The following PODXL variants were observed in gnomAD, a reference collection of about 807,000 sequenced individuals.
The protein encoded by PODXL is podocalyxin like.
PODXL carries 20 observed loss-of-function variants against 48.9 expected under a neutral mutation model. The ratio of observed to expected loss-of-function variants is 0.41; its 90% CI spans 0.29 to 0.59. PODXL has a LOEUF of 0.59. Ranked by LOEUF, PODXL falls within the 20% of genes least tolerant of loss-of-function variation. The pLI is 0.31. For missense variants in PODXL, 606 were observed against 675.1 expected (o/e 0.90, Z 1.13); for synonymous variants, 295 against 287.4 (o/e 1.03, Z -0.27).
intron 3 of PODXL, 63 bp from the exon 4 acceptor site, chr7:131,509,648 T>C: frequency 8.8e-7 from 1 of 1,131,222 alleles, no homozygotes; most frequent in Non-Finnish European, 1.3e-6. Context: ...AAGAGGACAA[T>C]CTTTTCTTGC....
At chr7:131,552,799 TTC>T (rs1460649455) in intron 1 of PODXL, among the ~76,000 whole-genome samples, 2 of 152,146 alleles carry the variant, frequency 1.3e-5, no homozygotes, top group African/African-American at 2.4e-5. Context: ...CCTTGTTTTT[TTC>T]CTTGAGTCAG....
Position 131,556,270 on chromosome 7 carries a change from G to GGCGAC in PODXL, c.89_90insGTCGC (p.Gln32ProfsTer137). The GGCGAC allele has an allele frequency of 2.7e-6, 4 of 1,462,602 alleles. No homozygotes were observed. In the South Asian group the frequency reaches 4.0e-5, roughly 15 times the overall value. 90.6% of individuals were successfully genotyped at this position (1,462,602 alleles called of 1,614,324 possible). ...AGGCCGGCCACTCACCATTCTGGGA[G>GGCGAC]GGCGACGGCGACGGCGACGGCGACG... On this transcript the variant is annotated frameshift_variant, in exon 1 of 9. Coordinates refer to ENST00000378555, the MANE Select transcript of PODXL (RefSeq NM_001018111.3). LOFTEE classifies it high-confidence loss of function.
At chr7:131,541,316 G>A (rs1228468062) in intron 1 of PODXL, among the ~76,000 whole-genome samples, 1 of 151,906 alleles carries the variant, frequency 6.6e-6, no homozygotes, top group African/African-American at 2.4e-5. Flanking sequence ...TGACAGTGGA[G>A]CCTGTATCTT....
At chr7:131,508,192 C>T (rs891771160) in intron 5 of PODXL, among the ~76,000 whole-genome samples, 3 of 152,210 alleles carry the variant, frequency 2.0e-5, no homozygotes, top group African/African-American at 7.2e-5. Flanking sequence ...CTACCTCCCT[C>T]ACACAGGTGT....
intron 1 of PODXL, among the ~76,000 whole-genome samples, 166 bp downstream of exon 1, chr7:131,556,094 G>T (rs1029502911): frequency 6.6e-6 from 1 of 152,232 alleles, no homozygotes; most frequent in Non-Finnish European, 1.5e-5. Flanking sequence ...GCGGAGTTTG[G>T]AGGGGGCGTG....
chr7:131,534,335 C>A (rs1371961263), intron 1 of PODXL, among the ~76,000 whole-genome samples: 1 of 152,240 alleles, frequency 6.6e-6, no homozygotes, highest in Admixed American at 6.5e-5. Flanking sequence ...GGGACCCCAA[C>A]TCCAGGAAGT....
chr7:131,507,890 T>A (rs1319668750), intron 5 of PODXL, among the ~76,000 whole-genome samples: 2 of 152,210 alleles, frequency 1.3e-5, no homozygotes, highest in African/African-American at 4.8e-5. Flanking sequence ...AATGCCGGCA[T>A]AATGGACACC....
intron 1 of PODXL, among the ~76,000 whole-genome samples, chr7:131,518,412 C>T (rs200789461): frequency 2.0e-5 from 3 of 152,220 alleles, no homozygotes; most frequent in Non-Finnish European, 2.9e-5. Flanking sequence ...TTCTCCTGAA[C>T]GGGTCTGGTG....
At chr7:131,550,738 G>A (rs1397397811) in intron 1 of PODXL, among the ~76,000 whole-genome samples, 1 of 152,138 alleles carries the variant, frequency 6.6e-6, no homozygotes, top group Non-Finnish European at 1.5e-5. Flanking sequence ...TTCTATTCTG[G>A]TATTTACAGC....
At chr7:131,522,654 T>TAAAGACACAGCAAAAGA (rs147168042) in intron 1 of PODXL, among the ~76,000 whole-genome samples, 9,284 of 152,176 alleles carry the variant, frequency 0.061, 324 homozygotes, top group Middle Eastern at 0.11. Context: ...ACCTTCGCAC[T>TAAAGACACAGCAAAAGA]AAAGACACAG....
intron 1 of PODXL, among the ~76,000 whole-genome samples, chr7:131,554,705 C>T (rs1390207998): frequency 6.6e-6 from 1 of 152,168 alleles, no homozygotes; most frequent in Admixed American, 6.5e-5. Flanking sequence ...GGAAGGGTGG[C>T]TCAGCTTCCT....
At chr7:131,521,157 C>CAAAA (rs35374057) in intron 1 of PODXL, among the ~76,000 whole-genome samples, 2 of 134,824 alleles carry the variant, frequency 1.5e-5, no homozygotes, top group Non-Finnish European at 3.1e-5. Context: ...GACTCCATCT[C>CAAAA]AAAAAAAAAA....
chr7:131,549,193 G>C (rs1415196657), intron 1 of PODXL, among the ~76,000 whole-genome samples: 1 of 152,072 alleles, frequency 6.6e-6, no homozygotes, highest in African/African-American at 2.4e-5. Flanking sequence ...GCCCCGGTAG[G>C]CCTCTTTGAG....
At chr7:131,536,119 A>G (rs145462552) in intron 1 of PODXL, among the ~76,000 whole-genome samples, 1 of 152,298 alleles carries the variant, frequency 6.6e-6, no homozygotes, top group African/African-American at 2.4e-5. Flanking sequence ...AAAGAGCCTG[A>G]CAAGTGTCAC....
intron 1 of PODXL, among the ~76,000 whole-genome samples, chr7:131,555,250 C>T (rs569392099): frequency 8.5e-5 from 13 of 152,168 alleles, no homozygotes; most frequent in Non-Finnish European, 1.8e-4. Flanking sequence ...CACACCACCT[C>T]AGCTCTTCCT....
At chr7:131,511,532 C>A in intron 1 of PODXL, 99 bp from the exon 2 acceptor site, 1 of 1,268,274 alleles carries the variant, frequency 7.9e-7, no homozygotes, top group Non-Finnish European at 1.1e-6. Flanking sequence ...TGCTCGCAGC[C>A]CTGCTGTCTG....
chr7:131,510,248 C>A lies in PODXL; in HGVS notation c.790G>T (p.Ala264Ser), dbSNP rs1175157985. The part of the protein sequence containing the change: ...GDLPTLASQS[A>S]GITASSVISQ... ...TGGTGGCTCATACCTGTAATCCCAG[C>A]ACTTTGGGAGGCCAAGGTGGGCAGA... Residue 264 changes from alanine (A) to serine (S), a missense_variant, in exon 3 of 9, where the codon GCT becomes TCT. By Grantham distance (99) the Ala-to-Ser change is moderately conservative. Transcript: ENST00000378555. The A allele has an allele frequency of 4.6e-6, 2 of 439,360 alleles. No individual in the cohort carries two copies. The highest frequency in any genetic ancestry group is 9.1e-6 in the Non-Finnish European group (2 of 220,394). 27.2% of individuals were successfully genotyped at this position (439,360 alleles called of 1,614,324 possible). A position where few individuals can be genotyped will look rare whatever the true frequency, so the allele number is the denominator to read the frequency against.
intron 1 of PODXL, among the ~76,000 whole-genome samples, chr7:131,532,328 C>A (rs1260617398): frequency 1.3e-5 from 2 of 149,914 alleles, no homozygotes; most frequent in African/African-American, 4.9e-5. Context: ...CCCAGCTACT[C>A]GGGAGGCTGA....
chr7:131,556,202 G>A lies in PODXL; in HGVS notation c.100+58C>T, dbSNP rs1184928584. On this transcript the variant is annotated intron_variant, in intron 1 of 8. Transcript: ENST00000378555. ...CGCCGGGCTTCCCTGCAGCTCGGCC[G>A]GGCAGGGGGCACATGGGCACGGTGG... 2.2e-6 allele frequency: 3 copies of A among 1,389,924 alleles called. No homozygotes were observed. The Admixed American group carries it at 1.0e-4, about 47-fold the overall frequency. The allele number at this position is 1,389,924 out of a possible 1,614,324, so 86.1% of individuals were successfully genotyped here.
Sources: gnomAD v4.1 joint callset for allele counts (sites outside exome capture counted in the v4.1 genomes callset) on GRCh38, gnomAD v4.1.1 for gene constraint, MANE v1.5 for transcripts, NCBI Gene and HGNC (gene_info 2026-07-23, HGNC 2026-07-21) for gene names.